The following ADGRL2 variants were observed in gnomAD, a reference collection of about 807,000 sequenced individuals.
ADGRL2 encodes calcium-independent alpha-latrotoxin receptor 2.
Under a neutral mutation model 157.4 loss-of-function variants are expected in ADGRL2, and 44 were observed. The observed-to-expected ratio is 0.28, with a 90% confidence interval of 0.22 to 0.36. The LOEUF (loss-of-function observed/expected upper bound fraction) is 0.36, where lower values mean the gene tolerates loss of function less well. ADGRL2 is among the 10% of genes least tolerant of loss of function. ADGRL2 has a pLI of 1.00. For synonymous variants in ADGRL2, 585 were observed against 624.7 expected (o/e 0.94, Z 0.95); for missense variants, 1,510 against 1,768.9 (o/e 0.85, Z 2.63).
rs1204948717 is a variant in ADGRL2, at chr1:81,801,033, T to TGGCCAC, written c.-135_-130dup. Among the ~76,000 whole-genome samples the TGGCCAC allele has an allele frequency of 2.6e-5, 4 of 151,230 alleles. No homozygotes were observed. Among genetic ancestry groups the TGGCCAC allele is most frequent in the South Asian group, 2.1e-4 (1 of 4,812 alleles). On this transcript the variant is annotated 5_prime_UTR_variant, in exon 1 of 24. Transcript: ENST00000686636. ...CCGGCCTGGTCCTCGGGCGGCTGCT[T>TGGCCAC]GGCCACCGCCACCGCCGTCCGAAGG...
chr1:81,794,955 G>A (rs2087516098), intron 2 of ADGRL2, among the ~76,000 whole-genome samples: 1 of 152,076 alleles, frequency 6.6e-6, no homozygotes, highest in Non-Finnish European at 1.5e-5. Context: ...GCAGCAAAGT[G>A]GAGTAAAAGA....
At chr1:81,592,030 TA>T (rs2081143452) in intron 3 of ADGRL2, among the ~76,000 whole-genome samples, 2 of 152,208 alleles carry the variant, frequency 1.3e-5, no homozygotes, top group Admixed American at 1.3e-4. Flanking sequence ...TAACTTGTAA[TA>T]ATCTGTGACA....
chr1:81,874,203 A>G (rs964019988), intron 2 of ADGRL2, among the ~76,000 whole-genome samples: 4 of 152,126 alleles, frequency 2.6e-5, no homozygotes, highest in Admixed American at 2.6e-4. Flanking sequence ...CAACTTAATT[A>G]TGTGAAATTG....
At chr1:81,321,118 C>T (rs1660470241) in intron 1 of ADGRL2, among the ~76,000 whole-genome samples, 1 of 152,162 alleles carries the variant, frequency 6.6e-6, no homozygotes, top group African/African-American at 2.4e-5. Context: ...ATGGAGATGG[C>T]TTCTTTCTAT....
At chr1:81,838,009 A>G (rs2092369026) in intron 2 of ADGRL2, among the ~76,000 whole-genome samples, 1 of 152,032 alleles carries the variant, frequency 6.6e-6, no homozygotes, top group Admixed American at 6.6e-5. Context: ...AATTCTTGAA[A>G]AAATGTTTAA....
intron 1 of ADGRL2, among the ~76,000 whole-genome samples, chr1:81,740,429 A>G (rs1173686915): frequency 6.6e-6 from 1 of 152,212 alleles, no homozygotes; most frequent in African/African-American, 2.4e-5. Context: ...AATGACCATT[A>G]ACAAATATAG....
intron 1 of ADGRL2, among the ~76,000 whole-genome samples, chr1:81,333,422 T>G (rs181241390): frequency 6.6e-6 from 1 of 151,442 alleles, no homozygotes; most frequent in Non-Finnish European, 1.5e-5. Context: ...TTTATTTATT[T>G]ATTTATTTTT....
chr1:81,384,646 TATAC>T (rs2076403518), intron 1 of ADGRL2, among the ~76,000 whole-genome samples: 1 of 152,202 alleles, frequency 6.6e-6, no homozygotes, highest in Non-Finnish European at 1.5e-5. Context: ...ACGATAATTT[TATAC>T]ATCATGTGTT....
At chr1:81,670,010 TG>T (rs1557552326) in intron 3 of ADGRL2, among the ~76,000 whole-genome samples, 1 of 150,542 alleles carries the variant, frequency 6.6e-6, no homozygotes, top group Non-Finnish European at 1.5e-5. Flanking sequence ...AACTGAGACC[TG>T]GGGGAAGGAT....
intron 2 of ADGRL2, among the ~76,000 whole-genome samples, chr1:81,451,284 A>G (rs2101739782): frequency 6.6e-6 from 1 of 152,312 alleles, no homozygotes; most frequent in East Asian, 1.9e-4. Flanking sequence ...TCTAGAGTCA[A>G]AGTCATTACC....
In ADGRL2 at chr1:81,541,499, T is replaced by C. The variant is rs75827138; in HGVS notation, c.-247-39377T>C. ...ACTCTCACCTTTTCACACACCCACA[T>C]TGGCAAACACCTCAGCCTAAGAGAC... On this transcript the variant is annotated intron_variant, in intron 2 of 24. Transcript: ENST00000370721. Among the ~76,000 whole-genome samples the C allele has an allele frequency of 6.6e-5, 10 of 152,190 alleles. No individual in the cohort carries two copies. In the East Asian group the frequency reaches 1.7e-3, roughly 27 times the overall value.
intron 1 of ADGRL2, among the ~76,000 whole-genome samples, chr1:81,327,704 AGCTTAGATATAATCAAATGTCAT>A (rs1037264198): frequency 7.2e-5 from 11 of 152,216 alleles, no homozygotes; most frequent in Non-Finnish European, 1.6e-4. Flanking sequence ...CATTTGAAGA[AGCTTAGATATAATCAAATGTCAT>A]GCCCTCTGTA....
intron 2 of ADGRL2, among the ~76,000 whole-genome samples, chr1:81,490,336 TAGTC>T (rs1216801314): frequency 1.3e-5 from 2 of 152,252 alleles, no homozygotes; most frequent in Non-Finnish European, 2.9e-5. Context: ...TTCAACATGT[TAGTC>T]AGGCTGGTCT....
Position 81,311,728 on chromosome 1 carries a change from C to T in ADGRL2, c.-302+5219C>T, listed in dbSNP as rs190034778. ...CTCTGACAGCATATTAAAATTTACACATGCTTAATTTTAAAAATTGCAACA... is the reference window on the plus strand; with the variant it reads ...CTCTGACAGCATATTAAAATTTACATATGCTTAATTTTAAAAATTGCAACA... On this transcript the variant is annotated intron_variant, in intron 1 of 24. Transcript: ENST00000370721. Among the ~76,000 whole-genome samples the T allele has an allele frequency of 4.6e-5, 7 of 152,292 alleles. No homozygotes were observed. In the East Asian group the frequency reaches 1.3e-3, roughly 29 times the overall value.
intron 2 of ADGRL2, among the ~76,000 whole-genome samples, chr1:81,871,549 C>T (rs569396327): frequency 3.3e-5 from 5 of 152,268 alleles, no homozygotes; most frequent in African/African-American, 1.2e-4. Flanking sequence ...ACAGTCCCAC[C>T]AGCAGTGTAA....
intron 4 of ADGRL2, among the ~76,000 whole-genome samples, chr1:81,940,169 C>T (rs1048212900): frequency 4.0e-5 from 6 of 151,158 alleles, no homozygotes; most frequent in Non-Finnish European, 8.9e-5. Context: ...GTTTTAAGTT[C>T]TTTTTTAAAT....
At chr1:81,341,451 T>C (rs1662066376) in intron 1 of ADGRL2, among the ~76,000 whole-genome samples, 1 of 151,948 alleles carries the variant, frequency 6.6e-6, no homozygotes. Context: ...ACTGTGATTT[T>C]TTTTTTTGTT....
upstream of ADGRL2, among the ~76,000 whole-genome samples, chr1:81,796,047 G>A (rs1485425787): frequency 6.6e-6 from 1 of 152,214 alleles, no homozygotes; most frequent in Non-Finnish European, 1.5e-5. Flanking sequence ...CTGGAGTGCA[G>A]TGGCACTATC....
intron 3 of ADGRL2, among the ~76,000 whole-genome samples, chr1:81,602,422 G>A (rs1412109520): frequency 3.9e-5 from 6 of 151,908 alleles, no homozygotes; most frequent in African/African-American, 7.3e-5. Flanking sequence ...GTGAAACCCC[G>A]TCTCCACTAA....
Sources: allele counts gnomAD v4.1 joint callset (sites outside exome capture counted in the v4.1 genomes callset), GRCh38; gene constraint gnomAD v4.1.1; transcripts MANE v1.5; gene names NCBI Gene and HGNC (gene_info 2026-07-23, HGNC 2026-07-21).